ASPHD1: variants seen among roughly 807,000 people sequenced by gnomAD.
The protein encoded by ASPHD1 is aspartate beta-hydroxylase domain-containing protein 1.
In ASPHD1, 20 loss-of-function variants were observed where a neutral mutation model predicts 28.3. The observed-to-expected ratio is 0.71, with a 90% confidence interval of 0.50 to 1.03. The LOEUF is 1.03. Ranked by LOEUF, ASPHD1 falls within the 50% of genes least tolerant of loss-of-function variation. ASPHD1 has a pLI of 0.00. For missense variants in ASPHD1, 479 were observed against 524.1 expected (o/e 0.91, Z 0.84); for synonymous variants, 240 against 221.2 (o/e 1.08, Z -0.75).
At position 29,901,312 on chromosome 16, in the gene ASPHD1, G is replaced by A. The variant is rs138090501; in HGVS notation, c.341G>A (p.Gly114Asp). The A allele has an allele frequency of 6.8e-6, 11 of 1,610,804 alleles. No homozygotes were observed. In the East Asian group the frequency reaches 1.8e-4, roughly 26 times the overall value. The change falls in exon 1 of 3, where the codon GGT becomes GAT. Residue 114 changes from glycine to aspartate, a missense_variant. Gly to Asp is a moderately conservative substitution (Grantham distance 94). Coordinates refer to ENST00000308748, the MANE Select transcript of ASPHD1 (RefSeq NM_181718.4). The surrounding 1 kb of genome is among the most constrained non-coding windows in gnomAD (Gnocchi z 5.1). ...QALGAGSRAG[G>D]VRGGPVGCSE... Reference sequence around the variant, plus strand: ...CTAGGGGCTGGGAGCCGAGCTGGGGGTGTTCGTGGTGGGCCTGTGGGATGC... The same window carrying A: ...CTAGGGGCTGGGAGCCGAGCTGGGGATGTTCGTGGTGGGCCTGTGGGATGC...
chr16:29,906,618 A>G, downstream of ASPHD1: 1 of 654,816 alleles, frequency 1.5e-6, no homozygotes, highest in Non-Finnish European at 2.8e-6. Flanking sequence ...CTGGAGAGGG[A>G]AGGACGCAGG....
intron 2 of ASPHD1, 52 bp downstream of exon 2, chr16:29,905,017 G>A (rs2068589080): frequency 7.3e-7 from 1 of 1,375,804 alleles, no homozygotes; most frequent in Non-Finnish European, 1.0e-6. Context: ...GAGCAAAGGA[G>A]CGTTGACTAG....
At chr16:29,909,466 C>T (rs1282953588), downstream of ASPHD1, among the ~76,000 whole-genome samples, 1 of 152,038 alleles carries the variant, frequency 6.6e-6, no homozygotes, top group Non-Finnish European at 1.5e-5. Flanking sequence ...ATAGTAAGCT[C>T]GGAAGGGACC....
At chr16:29,906,059 C>T, downstream of ASPHD1, 4 of 531,194 alleles carry the variant, frequency 7.5e-6, no homozygotes, top group South Asian at 2.8e-5. Flanking sequence ...TCTCCTAACT[C>T]CCGACTACTT....
At chr16:29,912,794 AT>A (rs1179787052) in intron 3 of ASPHD1, among the ~76,000 whole-genome samples, 1 of 152,188 alleles carries the variant, frequency 6.6e-6, no homozygotes, top group Non-Finnish European at 1.5e-5. Context: ...AACTTTTTGT[AT>A]TTGTTTATGA....
Position 29,905,979 on chromosome 16 carries a change from TA to T in ASPHD1, c.*83del. ...TTGATGGTAGCCAGGACCTCCTCTC[TA>T]CTGCGGGGGTGGGCGGGGGCGGAGG... On this transcript the variant is annotated 3_prime_UTR_variant, in exon 3 of 3. Transcript: ENST00000308748. 1.4e-6 allele frequency: 1 copy of T among 734,738 alleles called. No individual in the cohort carries two copies. Among genetic ancestry groups the T allele is most frequent in the Non-Finnish European group, 2.2e-6 (1 of 452,672 alleles). The allele number at this position is 734,738 out of a possible 1,614,324, so 45.5% of individuals were successfully genotyped here. A position where few individuals can be genotyped will look rare whatever the true frequency, so the allele number is the denominator to read the frequency against.
At chr16:29,909,900 A>T (rs145080160), downstream of ASPHD1, among the ~76,000 whole-genome samples, 2 of 151,778 alleles carry the variant, frequency 1.3e-5, no homozygotes, top group Admixed American at 6.6e-5. Context: ...CGAAGTCTCT[A>T]CTAAAGAGAC....
intron 3 of ASPHD1, chr16:29,912,007 C>T: frequency 6.2e-7 from 1 of 1,611,806 alleles, no homozygotes; most frequent in Non-Finnish European, 8.5e-7. Context: ...GGAGATGTCA[C>T]CATGGGGATG....
chr16:29,908,800 TC>T (rs2068656855), downstream of ASPHD1, among the ~76,000 whole-genome samples: 1 of 151,870 alleles, frequency 6.6e-6, no homozygotes, highest in Non-Finnish European at 1.5e-5. Context: ...CCTCCCGGGC[TC>T]AAGTGATCCT....
chr16:29,901,052 G>A lies in ASPHD1; in HGVS notation c.81G>A (p.Lys27=). 2.5e-6 allele frequency: 4 copies of A among 1,602,344 alleles called. No homozygotes were observed. Among genetic ancestry groups the A allele is most frequent in the South Asian group, 2.2e-5 (2 of 89,870 alleles). ...AGACAGCCCAGAGTGGAATGTGGAA[G>A]GGAAACAGTCCAGCGGGGAGCCAGG... ...ERETAQSGMW[K]GNSPAGSQGA... is the part of the protein sequence containing the mutation. The change falls in exon 1 of 3, where the codon AAG becomes AAA. Residue 27 remains lysine (K), a synonymous_variant. Transcript: ENST00000308748. The surrounding 1 kb of genome is among the most constrained non-coding windows in gnomAD (Gnocchi z 5.1).
intron 3 of ASPHD1, chr16:29,914,868 G>T (rs1007502858): frequency 6.6e-6 from 1 of 152,254 alleles, no homozygotes; most frequent in Non-Finnish European, 1.5e-5. Context: ...GAAGCCGGGC[G>T]TGGTAGCGTG....
chr16:29,902,889 CT>C lies in ASPHD1; in HGVS notation c.949+985del, dbSNP rs1246460346. On this transcript the variant is annotated intron_variant, in intron 1 of 2. Coordinates refer to ENST00000308748, the MANE Select transcript of ASPHD1 (RefSeq NM_181718.4). Reference sequence around the variant, plus strand: ...CACCAAACTGAGATTTTTTCTTTTTCTTTTTTTTTTTTTTTTGAGACAGGGT... The same window carrying C: ...CACCAAACTGAGATTTTTTCTTTTTCTTTTTTTTTTTTTTTGAGACAGGGT... 1.5e-3 allele frequency among the ~76,000 whole-genome samples: 200 copies of C among 129,812 alleles called. 5 individuals are homozygous for C. The highest frequency in any genetic ancestry group is 4.6e-3 in the Middle Eastern group (1 of 216). The allele number at this position is 129,812 out of a possible 152,430, so 85.2% of individuals were successfully genotyped here.
At chr16:29,902,265 C>T (rs2068560001) in intron 1 of ASPHD1, among the ~76,000 whole-genome samples, 1 of 152,144 alleles carries the variant, frequency 6.6e-6, no homozygotes, top group Admixed American at 6.6e-5. Flanking sequence ...CTTGTCTCTA[C>T]AAATAATAAA....
rs556208789 is a variant in ASPHD1, at chr16:29,917,696, T to C, written c.*63-1835T>C. Among the ~76,000 whole-genome samples the C allele has an allele frequency of 2.1e-3, 326 of 152,162 alleles. 3 individuals are homozygous for C. The highest frequency in any genetic ancestry group is 3.5e-3 in the Non-Finnish European group (235 of 68,008). ...CAGGAGGTTAGGGCAGGAGAATCGCTTGAACCCGGGAGGCAGAGGTTGCAG... is the reference window on the plus strand; with the variant it reads ...CAGGAGGTTAGGGCAGGAGAATCGCCTGAACCCGGGAGGCAGAGGTTGCAG... On this transcript the variant is annotated intron_variant and NMD_transcript_variant, in intron 3 of 3. Transcript: ENST00000414952.
chr16:29,901,512 G>A lies in ASPHD1; in HGVS notation c.541G>A (p.Val181Ile), dbSNP rs764431185. 3.1e-6 allele frequency: 5 copies of A among 1,594,196 alleles called. No individual in the cohort carries two copies. The East Asian group carries it at 1.1e-4, about 36-fold the overall frequency. The change falls in exon 1 of 3, where the codon GTC (valine) becomes ATC (isoleucine). Residue 181 changes from valine to isoleucine, a missense_variant. Coordinates refer to ENST00000308748, the MANE Select transcript of ASPHD1 (RefSeq NM_181718.4). This position sits in a 1 kb window ranked among gnomAD's most constrained non-coding sequence, Gnocchi z 5.1. Reference protein sequence around the residue: ...GGPGPGRGPGVLGIQRPGLLF... With the variant: ...GGPGPGRGPGILGIQRPGLLF... ...CCCAGGCCCTGGGAGAGGGCCAGGGGTCCTAGGTATTCAGCGCCCAGGCCT... is the reference window on the plus strand; with the variant it reads ...CCCAGGCCCTGGGAGAGGGCCAGGGATCCTAGGTATTCAGCGCCCAGGCCT...
intron 3 of ASPHD1, chr16:29,914,864 G>C (rs932286241): frequency 6.6e-6 from 1 of 152,194 alleles, no homozygotes; most frequent in East Asian, 1.9e-4. Context: ...AGGGGAAGCC[G>C]GGCGTGGTAG....
intron 1 of ASPHD1, among the ~76,000 whole-genome samples, chr16:29,902,326 G>C (rs1181242183): frequency 1.3e-5 from 2 of 152,204 alleles, no homozygotes; most frequent in Non-Finnish European, 2.9e-5. Context: ...CTACTGGAGA[G>C]GGTGAGGTGG....
At chr16:29,904,033 CCGT>C (rs539772446) in intron 1 of ASPHD1, among the ~76,000 whole-genome samples, 2,278 of 152,128 alleles carry the variant, frequency 0.015, 24 homozygotes, top group Non-Finnish European at 0.025. Context: ...CTGCCAGGTG[CCGT>C]GGCTCATCCC....
chr16:29,905,970 C>T lies in ASPHD1; in HGVS notation c.*73C>T, dbSNP rs1157662676. The stretch of plus-strand genomic sequence containing the variant: ...AGGGACGGCTTGATGGTAGCCAGGA[C>T]CTCCTCTCTACTGCGGGGGTGGGCG... On this transcript the variant is annotated 3_prime_UTR_variant, in exon 3 of 3. Transcript: ENST00000308748. The T allele has an allele frequency of 8.8e-7, 1 of 1,133,182 alleles. No individual in the cohort carries two copies. Among genetic ancestry groups the T allele is most frequent in the African/African-American group, 1.5e-5 (1 of 64,846 alleles). The allele number at this position is 1,133,182 out of a possible 1,614,324, so 70.2% of individuals were successfully genotyped here.
Sources: allele counts gnomAD v4.1 joint callset (sites outside exome capture counted in the v4.1 genomes callset), GRCh38; gene constraint gnomAD v4.1.1; non-coding constraint Gnocchi (gnomAD v3.1); transcripts MANE v1.5; gene names NCBI Gene and HGNC (gene_info 2026-07-23, HGNC 2026-07-21).